The following ZC3H18 variants were observed in gnomAD, a reference collection of about 807,000 sequenced individuals.
ZC3H18 encodes zinc finger CCCH-type containing 18, also known as zinc finger CCCH domain-containing protein 18.
A neutral mutation model predicts 106.1 loss-of-function variants in ZC3H18; 8 were observed. The observed-to-expected ratio is 0.08, with a 90% confidence interval of 0.04 to 0.14. The LOEUF is 0.14. ZC3H18 is among the 10% of genes least tolerant of loss of function. The pLI is 1.00. For synonymous variants in ZC3H18, 635 were observed against 522.1 expected, an observed-to-expected ratio of 1.22 and a Z score of -2.95; for missense variants, 1,318 against 1,278.4, an observed-to-expected ratio of 1.03 and a Z score of -0.47.
chr16:88,573,024 T>C (rs907053708), intron 1 of ZC3H18, among the ~76,000 whole-genome samples: 10 of 152,114 alleles, frequency 6.6e-5, no homozygotes, highest in African/African-American at 2.4e-4. Context: ...CCCAAAGTGC[T>C]GGGATTACAG....
At chr16:88,574,567 C>T (rs1012119674) in intron 1 of ZC3H18, among the ~76,000 whole-genome samples, 4 of 151,270 alleles carry the variant, frequency 2.6e-5, no homozygotes, top group African/African-American at 7.3e-5. Context: ...CACTCTGTCA[C>T]CCAGGCTGAA....
At position 88,609,012 on chromosome 16, in the gene ZC3H18, G is replaced by C; in HGVS notation, c.1167G>C (p.Arg389Ser). Reference sequence around the variant, plus strand: ...GTGGCGGACAGTATGAGAATTTCAGGGTGCAGTATACAGAAACAGAGCCGT... The same window carrying C: ...GTGGCGGACAGTATGAGAATTTCAGCGTGCAGTATACAGAAACAGAGCCGT... ...FWRGGQYENF[R>S]VQYTETEPYH... Residue 389 changes from arginine (R) to serine (S), a missense_variant, in exon 7 of 18, where the codon AGG (arginine) becomes AGC (serine). Arg to Ser is a moderately radical substitution (Grantham distance 110). Coordinates refer to ENST00000301011, the MANE Select transcript of ZC3H18 (RefSeq NM_144604.4). The C allele has an allele frequency of 6.2e-7, 1 of 1,613,676 alleles. No individual in the cohort carries two copies. The highest frequency in any genetic ancestry group is 8.5e-7 in the Non-Finnish European group (1 of 1,179,788).
chr16:88,603,632 T>C (rs986125632), intron 6 of ZC3H18, among the ~76,000 whole-genome samples: 5 of 149,002 alleles, frequency 3.4e-5, no homozygotes, highest in African/African-American at 1.2e-4. Context: ...TCTTTTTTTT[T>C]TTTTTTTTGA....
intron 11 of ZC3H18, 113 bp downstream of exon 11, chr16:88,624,175 C>T: frequency 2.1e-6 from 3 of 1,442,128 alleles, no homozygotes; most frequent in South Asian, 1.3e-5. Context: ...GTGAGGATGC[C>T]TCAGGGGGCT....
At chr16:88,582,312 C>A (rs968211239) in intron 2 of ZC3H18, among the ~76,000 whole-genome samples, 8 of 142,516 alleles carry the variant, frequency 5.6e-5, no homozygotes, top group African/African-American at 2.1e-4. Context: ...GCAACCTCTG[C>A]CTCCCGGGTT....
chr16:88,583,923 A>G (rs1915289247), intron 2 of ZC3H18, among the ~76,000 whole-genome samples: 1 of 151,908 alleles, frequency 6.6e-6, no homozygotes, highest in South Asian at 2.1e-4. Context: ...CGTGAGGGAA[A>G]CCAGGAGACC....
At chr16:88,603,280 A>G (rs969609061) in intron 6 of ZC3H18, among the ~76,000 whole-genome samples, 3 of 149,430 alleles carry the variant, frequency 2.0e-5, no homozygotes, top group Non-Finnish European at 4.5e-5. Context: ...TTTTCTTTAT[A>G]TCTCTTTTGG....
chr16:88,619,982 A>T (rs918745225), intron 8 of ZC3H18, among the ~76,000 whole-genome samples: 19 of 152,144 alleles, frequency 1.2e-4, no homozygotes, highest in African/African-American at 4.6e-4. Context: ...TCCAGGAGAC[A>T]CCCAGATGTG....
intron 7 of ZC3H18, among the ~76,000 whole-genome samples, chr16:88,610,306 G>A (rs546138279): frequency 6.6e-6 from 1 of 152,162 alleles, no homozygotes; most frequent in Non-Finnish European, 1.5e-5. Flanking sequence ...GAGCTTTGAG[G>A]ACCAGGTGCG....
chr16:88,580,863 G>A (rs561962216), intron 2 of ZC3H18, among the ~76,000 whole-genome samples: 2 of 152,322 alleles, frequency 1.3e-5, no homozygotes, highest in East Asian at 1.9e-4. Context: ...TTCAAGTAGA[G>A]CCCTGGTGTC....
Position 88,622,182 on chromosome 16 carries a change from C to T in ZC3H18, c.1476-15C>T. On this transcript the variant is annotated splice_polypyrimidine_tract_variant and intron_variant, in intron 8 of 17. Transcript: ENST00000301011. Reference sequence around the variant, plus strand: ...GAAGGTGGCCTGAGAGTTGCTAATGCCTCTGTAATTTCAGCCGCCAAGCTG... The same window carrying T: ...GAAGGTGGCCTGAGAGTTGCTAATGTCTCTGTAATTTCAGCCGCCAAGCTG... 6.2e-7 allele frequency: 1 copy of T among 1,603,928 alleles called. No homozygotes were observed. The highest frequency in any genetic ancestry group is 8.5e-7 in the Non-Finnish European group (1 of 1,173,164).
At chr16:88,629,928 C>T (rs746398761) in intron 16 of ZC3H18, among the ~76,000 whole-genome samples, 1 of 152,258 alleles carries the variant, frequency 6.6e-6, no homozygotes, top group Non-Finnish European at 1.5e-5. Context: ...AGCTGCTCAC[C>T]TTTGTCCCTA....
chr16:88,600,784 C>A (rs555049878), intron 6 of ZC3H18, among the ~76,000 whole-genome samples: 1 of 152,310 alleles, frequency 6.6e-6, no homozygotes, highest in Admixed American at 6.5e-5. Flanking sequence ...GAAGTCAGAT[C>A]TTGGGGGATT....
At chr16:88,628,882 G>C in intron 16 of ZC3H18, 28 bp downstream of exon 16, 1 of 1,612,894 alleles carries the variant, frequency 6.2e-7, no homozygotes, top group Non-Finnish European at 8.5e-7. Context: ...TAGGGGGCAG[G>C]GCAGAGGGAC....
At chr16:88,603,789 ATTTT>A (rs58417387) in intron 6 of ZC3H18, among the ~76,000 whole-genome samples, 6 of 135,406 alleles carry the variant, frequency 4.4e-5, no homozygotes, top group Admixed American at 7.4e-5. Flanking sequence ...TGCCCGGCTA[ATTTT>A]TTTTTTTTTT....
intron 2 of ZC3H18, among the ~76,000 whole-genome samples, chr16:88,582,708 A>G (rs772563657): frequency 6.6e-6 from 1 of 152,158 alleles, no homozygotes; most frequent in Non-Finnish European, 1.5e-5. Flanking sequence ...AGTGTTCCAC[A>G]TAGCCACATG....
rs768652251 is a variant in ZC3H18, at chr16:88,631,162, GCCT to G, written c.2727_2729del (p.Ser910del). 5 of 1,613,580 alleles carry G rather than the reference GCCT, an allele frequency of 3.1e-6. No homozygotes were observed. Among genetic ancestry groups the G allele is most frequent in the African/African-American group, 2.7e-5 (2 of 75,040 alleles). On this transcript the variant is annotated inframe_deletion, in exon 18 of 18. Coordinates refer to ENST00000301011, the MANE Select transcript of ZC3H18 (RefSeq NM_144604.4). Reference sequence around the variant, plus strand: ...CAAGGTCACGAGCGTGCCCGGCAAAGCCTCGGATCCCGGCGCCGCCAGCACCAA... The same window carrying G: ...CAAGGTCACGAGCGTGCCCGGCAAAGCGGATCCCGGCGCCGCCAGCACCAA...
chr16:88,593,290 G>A (rs1039649124), intron 3 of ZC3H18, among the ~76,000 whole-genome samples: 3 of 152,138 alleles, frequency 2.0e-5, no homozygotes, highest in East Asian at 1.9e-4. Context: ...GCACAGCACC[G>A]CCGTACCCCC....
At chr16:88,587,702 A>G (rs764320038) in intron 3 of ZC3H18, 2 of 1,287,558 alleles carry the variant, frequency 1.6e-6, no homozygotes, top group Non-Finnish European at 2.2e-6. Context: ...TCCAGAACAC[A>G]GCTGTGAAGC....
Sources: gnomAD v4.1 joint callset for allele counts (sites outside exome capture counted in the v4.1 genomes callset) on GRCh38, gnomAD v4.1.1 for gene constraint, MANE v1.5 for transcripts, NCBI Gene and HGNC (gene_info 2026-07-23, HGNC 2026-07-21) for gene names.